The following SERHL2 variants were observed in gnomAD, a reference collection of about 807,000 sequenced individuals.
SERHL2 encodes the protein serine hydrolase like 2.
Under a neutral mutation model 25.5 loss-of-function variants are expected in SERHL2, and 29 were observed. The observed-to-expected ratio is 1.14, with a 90% confidence interval of 0.85 to 1.55. The LOEUF (loss-of-function observed/expected upper bound fraction) is 1.55, where lower values mean the gene tolerates loss of function less well. Among genes scored for constraint, SERHL2 ranks in the 40% most tolerant of loss-of-function variants. SERHL2 has a pLI of 0.00. For missense variants in SERHL2, 240 were observed against 252.3 expected (o/e 0.95, Z 0.33); for synonymous variants, 95 against 103.5 (o/e 0.92, Z 0.50).
intron 10 of SERHL2, 141 bp downstream of exon 10, chr22:42,571,344 C>G: frequency 6.7e-7 from 1 of 1,485,004 alleles, no homozygotes; most frequent in Non-Finnish European, 9.0e-7. Flanking sequence ...TTTTGGGAAG[C>G]CCCCCTGGCA....
chr22:42,560,110 C>G (rs574326292), intron 7 of SERHL2, 76 bp from the exon 8 acceptor site: 2 of 1,091,238 alleles, frequency 1.8e-6, no homozygotes, highest in South Asian at 2.5e-5. Flanking sequence ...CCGTCCCCCC[C>G]GGCCCTCCTC....
At chr22:42,567,831 A>G (rs1923621659) in intron 9 of SERHL2, among the ~76,000 whole-genome samples, 1 of 151,438 alleles carries the variant, frequency 6.6e-6, no homozygotes, top group African/African-American at 2.4e-5. Context: ...CCCAGGTTCG[A>G]GTGATTCTCC....
chr22:42,567,939 A>G (rs970533394), intron 9 of SERHL2, among the ~76,000 whole-genome samples: 1 of 151,542 alleles, frequency 6.6e-6, no homozygotes, highest in Non-Finnish European at 1.5e-5. Context: ...CATGTTGTCC[A>G]GGCTGGTCTC....
intron 9 of SERHL2, chr22:42,569,175 C>T (rs1233028842): frequency 6.6e-6 from 1 of 150,662 alleles, no homozygotes; most frequent in African/African-American, 2.4e-5. Context: ...TTTCGTATCA[C>T]GCTTGCACAG....
rs903391706 is a variant in SERHL2 at position 42,569,472 on chromosome 22, C to G, written c.649-1649C>G. On this transcript the variant is annotated intron_variant, in intron 9 of 11. Transcript: ENST00000327678. ...ATGGGGTTTCACCACGTTTGCCAAA[C>G]TGGTCTCGAACTTCTGACCTCAGGC... The G allele has an allele frequency of 3.9e-5, 6 of 151,936 alleles. 1 individual carries two copies. The highest frequency in any genetic ancestry group is 7.4e-5 in the Non-Finnish European group (5 of 67,978). The allele number at this position is 151,936 out of a possible 1,614,324, so 9.4% of individuals were successfully genotyped here.
intron 1 of SERHL2, 113 bp downstream of exon 1, chr22:42,554,155 T>A: frequency 1.6e-6 from 2 of 1,287,982 alleles, no homozygotes; most frequent in Non-Finnish European, 2.2e-6. Context: ...CTCCTGGGTG[T>A]CGCAGCTCCT....
chr22:42,566,730 G>A (rs1316037605), intron 9 of SERHL2, among the ~76,000 whole-genome samples: 2 of 152,078 alleles, frequency 1.3e-5, no homozygotes, highest in Non-Finnish European at 2.9e-5. Context: ...AGTCAGCTCG[G>A]TGCATCTGTT....
intron 7 of SERHL2, among the ~76,000 whole-genome samples, chr22:42,559,890 C>T (rs1014686667): frequency 6.6e-6 from 1 of 151,926 alleles, no homozygotes; most frequent in Non-Finnish European, 1.5e-5. Flanking sequence ...CAGCTCACTG[C>T]AACCTCTGCC....
intron 7 of SERHL2, among the ~76,000 whole-genome samples, chr22:42,559,391 G>C (rs2859031): frequency 0.3 from 44,622 of 151,046 alleles, 8,858 homozygotes; most frequent in East Asian, 0.73. Context: ...GGGTGACAAA[G>C]TGAGACCCTG....
chr22:42,554,052 G>C lies in SERHL2; in HGVS notation c.22+10G>C, dbSNP rs1921920033. 1 of 1,613,138 alleles carries C rather than the reference G, an allele frequency of 6.2e-7. No homozygotes were observed. Among genetic ancestry groups the C allele is most frequent in the South Asian group, 1.1e-5 (1 of 90,990 alleles). On this transcript the variant is annotated intron_variant, in intron 1 of 11. Transcript: ENST00000327678. ...GAGAACGCCGCACCAGGTCTGACGG[G>C]GAGGCCTTGTGCGAGCGTCCCACTG...
chr22:42,554,321 CGGA>C (rs1361775679), intron 1 of SERHL2, among the ~76,000 whole-genome samples: 1 of 151,990 alleles, frequency 6.6e-6, no homozygotes, highest in Non-Finnish European at 1.5e-5. Flanking sequence ...CTTGCAGAGA[CGGA>C]GGAGGCTGCC....
rs748277263 is a variant in SERHL2, at chr22:42,573,997, T to G, written c.887T>G (p.Val296Gly). The G allele has an allele frequency of 6.2e-6, 10 of 1,607,918 alleles. No individual in the cohort carries two copies. The highest frequency in any genetic ancestry group is 8.5e-6 in the Non-Finnish European group (10 of 1,176,626). ...GTCCACATGAGCGAACCCCAGCACGTGGCCAGTATCATCAGCTCCTTCTTA... is the reference window on the plus strand; with the variant it reads ...GTCCACATGAGCGAACCCCAGCACGGGGCCAGTATCATCAGCTCCTTCTTA... ...HCVHMSEPQHVASIISSFLQC... is the reference protein window; with the variant it reads ...HCVHMSEPQHGASIISSFLQC... Residue 296 changes from valine to glycine, a missense_variant, in exon 12 of 12, where the codon GTG becomes GGG. Around this residue, in one of 4 missense-constraint regions of SERHL2, gnomAD observed 212 missense variants for 168.9 expected, o/e 1.25. Coordinates refer to ENST00000327678, the MANE Select transcript of SERHL2 (RefSeq NM_014509.5).
At chr22:42,559,029 C>T (rs1397459136) in intron 7 of SERHL2, among the ~76,000 whole-genome samples, 2 of 56,514 alleles carry the variant, frequency 3.5e-5, no homozygotes, top group Non-Finnish European at 5.8e-5. Flanking sequence ...AGAAGCCCCC[C>T]ACTGCCCCAC....
intron 7 of SERHL2, among the ~76,000 whole-genome samples, chr22:42,558,969 A>G (rs371506938): frequency 0.01 from 332 of 31,694 alleles, 3 homozygotes; most frequent in African/African-American, 0.034. Context: ...TGCATCTGGC[A>G]GTGGGCCTGG....
At chr22:42,572,760 G>A (rs1240744926) in intron 11 of SERHL2, 3 of 980,914 alleles carry the variant, frequency 3.1e-6, no homozygotes, top group Admixed American at 6.2e-5. Flanking sequence ...CCCCTGCCAG[G>A]TTCAAGCTAC....
At position 42,574,175 on chromosome 22, in the gene SERHL2, A is replaced by G. The variant is rs1167060943; in HGVS notation, c.*120A>G. On this transcript the variant is annotated 3_prime_UTR_variant, in exon 12 of 12. Transcript: ENST00000327678. ...ACAGGCCTCACTAGTCTTGAGGCCC[A>G]GCCTAGGATGGTAGTCAGGGGAAGG... 2.7e-5 allele frequency: 23 copies of G among 846,510 alleles called. No individual in the cohort carries two copies. Among genetic ancestry groups the G allele is most frequent in the Non-Finnish European group, 4.2e-5 (22 of 526,854 alleles). 52.4% of individuals were successfully genotyped at this position (846,510 alleles called of 1,614,324 possible). A position where few individuals can be genotyped will look rare whatever the true frequency, so the allele number is the denominator to read the frequency against.
At chr22:42,570,231 G>A (rs1923976938) in intron 9 of SERHL2, among the ~76,000 whole-genome samples, 1 of 152,046 alleles carries the variant, frequency 6.6e-6, no homozygotes, top group Non-Finnish European at 1.5e-5. Context: ...AGACCAGCCT[G>A]ACCAACATGG....
chr22:42,571,023 C>T (rs1924096699), intron 9 of SERHL2, 98 bp from the exon 10 acceptor site: 2 of 1,574,896 alleles, frequency 1.3e-6, no homozygotes, highest in Non-Finnish European at 1.7e-6. Context: ...GCTAAGGTGC[C>T]CTCGCCAGGA....
intron 9 of SERHL2, among the ~76,000 whole-genome samples, chr22:42,566,802 G>A (rs1357604331): frequency 1.3e-5 from 2 of 152,210 alleles, no homozygotes; most frequent in Admixed American, 6.5e-5. Flanking sequence ...GATGACAAAG[G>A]TTCTCAAAAA....
Sources: allele counts gnomAD v4.1 joint callset (sites outside exome capture counted in the v4.1 genomes callset), GRCh38; gene constraint gnomAD v4.1.1; regional missense constraint gnomAD v4.1.1; transcripts MANE v1.5; gene names NCBI Gene and HGNC (gene_info 2026-07-23, HGNC 2026-07-21).